The following DOCK3 variants were observed in gnomAD, a reference collection of about 807,000 sequenced individuals.
The protein encoded by DOCK3 is dedicator of cytokinesis protein 3.
In DOCK3, 60 loss-of-function variants were observed where a neutral mutation model predicts 265.6. The observed-to-expected ratio is 0.23, with a 90% confidence interval of 0.18 to 0.28. DOCK3 has a LOEUF of 0.28. DOCK3 is among the 10% of genes least tolerant of loss of function. The pLI is 1.00. For synonymous variants in DOCK3, 881 were observed against 938.0 expected, an observed-to-expected ratio of 0.94 and a Z score of 1.11; for missense variants, 1,981 against 2,594.3, an observed-to-expected ratio of 0.76 and a Z score of 5.14.
In DOCK3 at chr3:51,053,890, A is replaced by G. The variant is rs190269108; in HGVS notation, c.316-10558A>G. Among the ~76,000 whole-genome samples the G allele has an allele frequency of 3.0e-3, 450 of 151,946 alleles. 5 individuals are homozygous for G. Among genetic ancestry groups the G allele is most frequent in the Non-Finnish European group, 6.9e-4 (47 of 67,936 alleles). On this transcript the variant is annotated intron_variant, in intron 5 of 52. Coordinates refer to ENST00000266037, the MANE Select transcript of DOCK3 (RefSeq NM_004947.5). ...TATTTCCTTTGTTTTCTATGTTTCA[A>G]TCTTTTGGCATAAATGAAAATCTGA...
chr3:51,102,609 G>GCTACA (rs2083131457), intron 9 of DOCK3, among the ~76,000 whole-genome samples: 1 of 152,148 alleles, frequency 6.6e-6, no homozygotes, highest in Non-Finnish European at 1.5e-5. Context: ...AGGGTAACTA[G>GCTACA]AAATCAGCTA....
At chr3:50,863,334 G>C (rs1403212929) in intron 3 of DOCK3, 1 of 498,202 alleles carries the variant, frequency 2.0e-6, no homozygotes. Flanking sequence ...GGGGAATGCA[G>C]ATAGCCTGTG....
At chr3:51,292,225 CTAAGTACTTCTGTAA>C (rs1444320821) in intron 27 of DOCK3, among the ~76,000 whole-genome samples, 2 of 152,134 alleles carry the variant, frequency 1.3e-5, no homozygotes, top group Non-Finnish European at 2.9e-5. Flanking sequence ...CAACACAATA[CTAAGTACTTCTGTAA>C]TAAATACTTC....
At chr3:51,232,821 G>A (rs535138200) in intron 19 of DOCK3, among the ~76,000 whole-genome samples, 1 of 152,272 alleles carries the variant, frequency 6.6e-6, no homozygotes, top group South Asian at 2.1e-4. Flanking sequence ...CACACTGTGA[G>A]GGTTGTCTGT....
At chr3:50,902,785 A>G (rs1575487696) in intron 4 of DOCK3, among the ~76,000 whole-genome samples, 1 of 152,118 alleles carries the variant, frequency 6.6e-6, no homozygotes, top group South Asian at 2.1e-4. Flanking sequence ...CATTTTCACA[A>G]TATTGATTCT....
intron 49 of DOCK3, among the ~76,000 whole-genome samples, chr3:51,373,193 T>C (rs2087822523): frequency 6.6e-6 from 1 of 152,218 alleles, no homozygotes; most frequent in Non-Finnish European, 1.5e-5. Context: ...GACGTATTTT[T>C]AGCTGTGTCC....
intron 5 of DOCK3, among the ~76,000 whole-genome samples, chr3:50,950,319 G>T (rs1292409169): frequency 3.3e-5 from 5 of 151,922 alleles, no homozygotes; most frequent in Non-Finnish European, 7.4e-5. Flanking sequence ...TTTTGTTTTT[G>T]ACATGTTTTA....
Position 51,356,986 on chromosome 3 carries a change from G to T in DOCK3, c.4528G>T (p.Ala1510Ser), listed in dbSNP as rs1487948846. The T allele has an allele frequency of 1.9e-6, 3 of 1,613,264 alleles. No homozygotes were observed. The highest frequency in any genetic ancestry group is 2.5e-6 in the Non-Finnish European group (3 of 1,179,740). ...ELVEVSPLEN[A>S]IQVVENKNQE... ...GGTGGAGGTGAGCCCTCTGGAGAAT[G>T]CCATCCAAGTGGTTGAGAATAAGAA... The change falls in exon 44 of 53, where the codon GCC (alanine) becomes TCC (serine). Residue 1510 changes from alanine to serine, a missense_variant. Coordinates refer to ENST00000266037, the MANE Select transcript of DOCK3 (RefSeq NM_004947.5).
chr3:50,825,824 A>T (rs1408016355), intron 2 of DOCK3, among the ~76,000 whole-genome samples: 2 of 151,796 alleles, frequency 1.3e-5, no homozygotes, highest in Non-Finnish European at 2.9e-5. Flanking sequence ...CACCCTTACA[A>T]CCCCTTGTTA....
intron 5 of DOCK3, among the ~76,000 whole-genome samples, chr3:50,970,004 G>A (rs1385520686): frequency 2.6e-5 from 4 of 152,016 alleles, no homozygotes; most frequent in Non-Finnish European, 4.4e-5. Flanking sequence ...CCCGGGAGGC[G>A]GAGCTTCCAG....
chr3:51,093,128 G>C (rs2082703361), intron 9 of DOCK3, among the ~76,000 whole-genome samples: 1 of 152,138 alleles, frequency 6.6e-6, no homozygotes, highest in Non-Finnish European at 1.5e-5. Context: ...CTCTGGCTTG[G>C]TTCTTTTTGC....
chr3:51,360,764 C>T (rs2086676497), intron 47 of DOCK3, 132 bp downstream of exon 47: 1 of 1,259,178 alleles, frequency 7.9e-7, no homozygotes, highest in Non-Finnish European at 1.1e-6. Flanking sequence ...TATGTGGCTC[C>T]TGCCATAGGA....
At chr3:50,710,628 A>G (rs2036698780) in intron 1 of DOCK3, among the ~76,000 whole-genome samples, 2 of 152,250 alleles carry the variant, frequency 1.3e-5, no homozygotes, top group Admixed American at 6.5e-5. Context: ...AAAAGTAGAA[A>G]TACCATTTAA....
chr3:50,982,072 C>T (rs1315461610), intron 5 of DOCK3, among the ~76,000 whole-genome samples: 1 of 152,122 alleles, frequency 6.6e-6, no homozygotes, highest in South Asian at 2.1e-4. Flanking sequence ...TGATCTTGAA[C>T]TCTTGACCTC....
At chr3:50,812,678 T>C (rs145849005) in intron 2 of DOCK3, among the ~76,000 whole-genome samples, 101 of 152,308 alleles carry the variant, frequency 6.6e-4, no homozygotes, top group African/African-American at 2.4e-3. Flanking sequence ...TTTCAAAAGA[T>C]CAGATGTGGG....
At chr3:51,265,604 T>C (rs2080118047) in intron 23 of DOCK3, among the ~76,000 whole-genome samples, 1 of 152,146 alleles carries the variant, frequency 6.6e-6, no homozygotes, top group Non-Finnish European at 1.5e-5. Flanking sequence ...AAAAACTACT[T>C]TATTATCTCA....
At position 51,374,640 on chromosome 3, in the gene DOCK3, C is replaced by T; in HGVS notation, c.5412+53C>T. 2 of 1,512,272 alleles carry T rather than the reference C, an allele frequency of 1.3e-6. No homozygotes were observed. Among genetic ancestry groups the T allele is most frequent in the Non-Finnish European group, 1.8e-6 (2 of 1,104,904 alleles). The allele number at this position is 1,512,272 out of a possible 1,614,324, so 93.7% of individuals were successfully genotyped here. ...TCTGCTGCAAGTGTGTTAGCCTGTG[C>T]TTCCCTCCTTGCATTTGCGGGGCCT... On this transcript the variant is annotated intron_variant, in intron 50 of 52. Coordinates refer to ENST00000266037, the MANE Select transcript of DOCK3 (RefSeq NM_004947.5). The surrounding 1 kb of genome is among the most constrained non-coding windows in gnomAD (Gnocchi z 4.8).
intron 1 of DOCK3, among the ~76,000 whole-genome samples, chr3:50,706,790 C>A (rs182165190): frequency 6.7e-6 from 1 of 149,016 alleles, no homozygotes; most frequent in African/African-American, 2.5e-5. Flanking sequence ...CTTTTATATT[C>A]TTTTTTTTTT....
At chr3:50,918,973 A>G (rs569844679) in intron 4 of DOCK3, among the ~76,000 whole-genome samples, 2 of 152,290 alleles carry the variant, frequency 1.3e-5, no homozygotes, top group East Asian at 1.9e-4. Context: ...TCAGCTTTCT[A>G]TGTATAGCTA....
Sources: allele counts gnomAD v4.1 joint callset (sites outside exome capture counted in the v4.1 genomes callset), GRCh38; gene constraint gnomAD v4.1.1; non-coding constraint Gnocchi (gnomAD v3.1); transcripts MANE v1.5; gene names NCBI Gene and HGNC (gene_info 2026-07-23, HGNC 2026-07-21).